DRAM1: variants seen among roughly 807,000 people sequenced by gnomAD.
The protein encoded by DRAM1 is DNA damage-regulated autophagy modulator protein 1.
Under a neutral mutation model 28.5 loss-of-function variants are expected in DRAM1, and 25 were observed. The observed-to-expected ratio is 0.88, with a 90% CI of 0.64 to 1.23. The LOEUF (loss-of-function observed/expected upper bound fraction) is 1.23. Among genes scored for constraint, DRAM1 ranks in the 50% most tolerant of loss-of-function variants. The pLI is 0.00. For missense variants in DRAM1, 249 were observed against 299.2 expected, an observed-to-expected ratio of 0.83 and a Z score of 1.24; for synonymous variants, 113 against 114.2, an observed-to-expected ratio of 0.99 and a Z score of 0.07.
In DRAM1 at chr12:101,921,986, G is replaced by T. The variant is rs1266370913; in HGVS notation, c.*726G>T. On this transcript the variant is annotated 3_prime_UTR_variant, in exon 7 of 7. Coordinates refer to ENST00000258534, the MANE Select transcript of DRAM1 (RefSeq NM_018370.3). ...CCCATTCGTAGTGGGTGTAATGCCAGGTGGAATGGTTTCAACAAGTCAGGT... is the reference window on the plus strand; with the variant it reads ...CCCATTCGTAGTGGGTGTAATGCCATGTGGAATGGTTTCAACAAGTCAGGT... 3 of 152,198 alleles carry T rather than the reference G, an allele frequency of 2.0e-5. No individual in the cohort carries two copies. The highest frequency in any genetic ancestry group is 2.9e-5 in the Non-Finnish European group (2 of 68,036). The allele number at this position is 152,198 out of a possible 1,614,324, so 9.4% of individuals were successfully genotyped here.
At chr12:101,898,650 C>T (rs1873480593) in intron 2 of DRAM1, among the ~76,000 whole-genome samples, 1 of 152,176 alleles carries the variant, frequency 6.6e-6, no homozygotes, top group South Asian at 2.1e-4. Context: ...ATGCAGGTTC[C>T]TGGGCCATGC....
intron 1 of DRAM1, among the ~76,000 whole-genome samples, chr12:101,886,244 A>G (rs570254762): frequency 6.6e-6 from 1 of 152,358 alleles, no homozygotes; most frequent in Admixed American, 6.5e-5. Context: ...AGCATGATTA[A>G]GAGCAACAGC....
chr12:101,895,186 G>GTTTTTTTTTTGTTTGTTTTTTTTTT (rs1873300674), intron 1 of DRAM1, among the ~76,000 whole-genome samples: 4 of 75,720 alleles, frequency 5.3e-5, no homozygotes, highest in Non-Finnish European at 7.0e-5. Flanking sequence ...AACCCTTCAG[G>GTTTTTTTTTTGTTTGTTTTTTTTTT]TTTTTTTTTT....
chr12:101,879,745 C>T (rs1322010769), intron 1 of DRAM1, among the ~76,000 whole-genome samples: 2 of 152,168 alleles, frequency 1.3e-5, no homozygotes, highest in African/African-American at 4.8e-5. Flanking sequence ...CCTGTAATCC[C>T]AGCACTTTGG....
chr12:101,883,255 G>T (rs1872750438), intron 1 of DRAM1, among the ~76,000 whole-genome samples: 1 of 150,638 alleles, frequency 6.6e-6, no homozygotes. Context: ...GACATTGGCA[G>T]ATGGGGAAAA....
At chr12:101,883,656 G>A (rs895691341) in intron 1 of DRAM1, among the ~76,000 whole-genome samples, 34 of 150,746 alleles carry the variant, frequency 2.3e-4, no homozygotes, top group African/African-American at 7.7e-4. Flanking sequence ...ACATGAGGCC[G>A]GGCGCAGTGG....
chr12:101,885,125 G>A (rs1395737585), intron 1 of DRAM1, among the ~76,000 whole-genome samples: 1 of 152,112 alleles, frequency 6.6e-6, no homozygotes, highest in Non-Finnish European at 1.5e-5. Flanking sequence ...TAGACACGGG[G>A]TTTCTCTATG....
chr12:101,885,131 C>T (rs1434394407), intron 1 of DRAM1, among the ~76,000 whole-genome samples: 3 of 152,178 alleles, frequency 2.0e-5, no homozygotes, highest in Non-Finnish European at 4.4e-5. Context: ...CGGGGTTTCT[C>T]TATGTTGGTC....
Position 101,922,496 on chromosome 12 carries a change from C to T in DRAM1, c.*1236C>T, listed in dbSNP as rs760704125. ...GCAGAGCAGCCCATGTAGACAGCTT[C>T]GGAGGGCATGGGGGTGTAGGGAGTT... On this transcript the variant is annotated 3_prime_UTR_variant, in exon 7 of 7. Coordinates refer to ENST00000258534, the MANE Select transcript of DRAM1 (RefSeq NM_018370.3). 5 of 152,278 alleles carry T rather than the reference C, an allele frequency of 3.3e-5. No homozygotes were observed. Among genetic ancestry groups the T allele is most frequent in the Non-Finnish European group, 7.3e-5 (5 of 68,132 alleles). The allele number at this position is 152,278 out of a possible 1,614,324, so 9.4% of individuals were successfully genotyped here.
chr12:101,909,238 GCAA>G (rs1214275591), intron 4 of DRAM1, among the ~76,000 whole-genome samples: 1 of 149,294 alleles, frequency 6.7e-6, no homozygotes, highest in Non-Finnish European at 1.5e-5. Flanking sequence ...TCCAGCCTGG[GCAA>G]CAAGAGTGAA....
At chr12:101,909,856 T>A (rs1335154528) in intron 4 of DRAM1, among the ~76,000 whole-genome samples, 2 of 152,206 alleles carry the variant, frequency 1.3e-5, no homozygotes, top group African/African-American at 2.4e-5. Context: ...TCCCCATCTT[T>A]CAAAATACCA....
chr12:101,909,354 G>A (rs1188797409), intron 4 of DRAM1, among the ~76,000 whole-genome samples: 3 of 152,126 alleles, frequency 2.0e-5, no homozygotes, highest in Non-Finnish European at 4.4e-5. Flanking sequence ...TGAAAGAAGG[G>A]TGGAAAATGT....
chr12:101,881,397 G>A (rs1355170668), intron 1 of DRAM1, among the ~76,000 whole-genome samples: 1 of 152,048 alleles, frequency 6.6e-6, no homozygotes, highest in East Asian at 1.9e-4. Context: ...GTCTTGCTAT[G>A]TTGCCCAGGC....
At chr12:101,879,993 A>G (rs1329449999) in intron 1 of DRAM1, among the ~76,000 whole-genome samples, 1 of 148,638 alleles carries the variant, frequency 6.7e-6, no homozygotes, top group African/African-American at 2.5e-5. Flanking sequence ...CCATCTCAGA[A>G]AAAAAAAAAA....
Position 101,877,586 on chromosome 12 carries a change from G to A in DRAM1, c.-204G>A. The A allele has an allele frequency of 3.4e-6, 1 of 295,550 alleles. No homozygotes were observed. Among genetic ancestry groups the A allele is most frequent in the Non-Finnish European group, 6.1e-6 (1 of 162,944 alleles). The allele number at this position is 295,550 out of a possible 1,614,324, so 18.3% of individuals were successfully genotyped here. The stretch of plus-strand genomic sequence containing the variant: ...GGCAGCCCGCGCCCCACCCACTCTG[G>A]CCCGGCAGCCTCGCCGCCCGCAGCC... On this transcript the variant is annotated 5_prime_UTR_variant, in exon 1 of 7. Coordinates refer to ENST00000258534, the MANE Select transcript of DRAM1 (RefSeq NM_018370.3). The surrounding 1 kb of genome is among the most constrained non-coding windows in gnomAD (Gnocchi z 4.1).
At chr12:101,907,849 G>A (rs139380693) in intron 3 of DRAM1, among the ~76,000 whole-genome samples, 51 of 152,214 alleles carry the variant, frequency 3.4e-4, no homozygotes, top group Non-Finnish European at 4.7e-4. Flanking sequence ...TACAGAAATC[G>A]AGGCTTTGCA....
chr12:101,908,130 G>A lies in DRAM1; in HGVS notation c.343-56G>A, dbSNP rs180851106. 106 of 1,470,348 alleles carry A rather than the reference G, an allele frequency of 7.2e-5. No homozygotes were observed. The Admixed American group carries it at 1.1e-3, about 15-fold the overall frequency. The allele number at this position is 1,470,348 out of a possible 1,614,324, so 91.1% of individuals were successfully genotyped here. A position where few individuals can be genotyped will look rare whatever the true frequency, so the allele number is the denominator to read the frequency against. On this transcript the variant is annotated intron_variant, in intron 3 of 6. Transcript: ENST00000258534. ...AGCAGCCCAGAGTGAGAGTGCTTGC[G>A]GTTCGATGTTGACAAACCCACCCAG...
chr12:101,914,848 G>T (rs182678335), intron 5 of DRAM1, among the ~76,000 whole-genome samples: 1 of 151,974 alleles, frequency 6.6e-6, no homozygotes, highest in African/African-American at 2.4e-5. Context: ...GTAGAGACAG[G>T]GTTTTTCCCA....
chr12:101,902,477 G>A (rs1873643052), intron 3 of DRAM1, among the ~76,000 whole-genome samples: 1 of 152,098 alleles, frequency 6.6e-6, no homozygotes. Flanking sequence ...CTACCATCAG[G>A]ATGCACACAC....
Sources: gnomAD v4.1 joint callset for allele counts (sites outside exome capture counted in the v4.1 genomes callset) on GRCh38, gnomAD v4.1.1 for gene constraint, Gnocchi (gnomAD v3.1) non-coding constraint, MANE v1.5 for transcripts, NCBI Gene and HGNC (gene_info 2026-07-23, HGNC 2026-07-21) for gene names.